The following ZNF521 variants were observed in gnomAD, a reference collection of about 807,000 sequenced individuals.
The protein encoded by ZNF521 is zinc finger protein 521, also known as LYST-interacting protein 3.
ZNF521 carries 14 observed loss-of-function variants against 105.5 expected under a neutral mutation model. That is an observed-to-expected ratio of 0.13 (90% CI 0.09 to 0.21). ZNF521 has a LOEUF of 0.21. Among genes scored for constraint, ZNF521 ranks in the 10% least tolerant of loss-of-function variants. The pLI is 1.00. For missense variants in ZNF521, 1,233 were observed against 1,629.7 expected, an observed-to-expected ratio of 0.76 and a Z score of 4.19; for synonymous variants, 635 against 606.0, an observed-to-expected ratio of 1.05 and a Z score of -0.70.
chr18:25,320,728 T>C (rs1012874265), intron 3 of ZNF521, among the ~76,000 whole-genome samples: 1 of 152,218 alleles, frequency 6.6e-6, no homozygotes, highest in Admixed American at 6.5e-5. Flanking sequence ...TCTGTATGTT[T>C]GGAATTGTAT....
intron 5 of ZNF521, among the ~76,000 whole-genome samples, chr18:25,163,343 G>A (rs2064226206): frequency 6.6e-6 from 1 of 152,136 alleles, no homozygotes; most frequent in Admixed American, 6.6e-5. Flanking sequence ...TAAGCTGATG[G>A]CAGTATTTTT....
intron 5 of ZNF521, among the ~76,000 whole-genome samples, chr18:25,142,608 A>C (rs192477898): frequency 1.3e-5 from 2 of 152,278 alleles, no homozygotes; most frequent in Non-Finnish European, 1.5e-5. Context: ...AAGTCTTAGA[A>C]TATCTAAGCA....
At chr18:25,324,635 C>T (rs775544866) in intron 2 of ZNF521, among the ~76,000 whole-genome samples, 2 of 152,120 alleles carry the variant, frequency 1.3e-5, no homozygotes, top group African/African-American at 2.4e-5. Flanking sequence ...AGGGAAATGT[C>T]GCTGTTAGGT....
intron 3 of ZNF521, among the ~76,000 whole-genome samples, chr18:25,238,422 A>G (rs1907076662): frequency 1.3e-5 from 2 of 152,172 alleles, no homozygotes; most frequent in Non-Finnish European, 1.5e-5. Flanking sequence ...CTGGCTATTG[A>G]CCAGAAAAAT....
intron 5 of ZNF521, among the ~76,000 whole-genome samples, chr18:25,163,630 T>A (rs1313881865): frequency 1.3e-5 from 2 of 152,212 alleles, no homozygotes. Flanking sequence ...TAACACCATG[T>A]ACACAGTGCC....
At chr18:25,153,396 C>T (rs920530664) in intron 5 of ZNF521, among the ~76,000 whole-genome samples, 4 of 152,146 alleles carry the variant, frequency 2.6e-5, no homozygotes, top group African/African-American at 9.7e-5. Context: ...TCTCTTATTA[C>T]CTTCTGGTAC....
chr18:25,342,698 G>C (rs1226279360), intron 2 of ZNF521, among the ~76,000 whole-genome samples: 1 of 152,136 alleles, frequency 6.6e-6, no homozygotes, highest in Non-Finnish European at 1.5e-5. Context: ...AAAGTGCTGG[G>C]ATTACAGGCG....
At chr18:25,283,648 C>A (rs1910515445) in intron 3 of ZNF521, among the ~76,000 whole-genome samples, 1 of 152,072 alleles carries the variant, frequency 6.6e-6, no homozygotes, top group Non-Finnish European at 1.5e-5. Context: ...TGAACATAAA[C>A]TTAAATGGAA....
chr18:25,240,483 T>C (rs1907234363), intron 3 of ZNF521, among the ~76,000 whole-genome samples: 1 of 152,186 alleles, frequency 6.6e-6, no homozygotes, highest in African/African-American at 2.4e-5. Context: ...CCTGAATGCT[T>C]GCCCACGACA....
chr18:25,184,181 C>CT (rs990294737), intron 5 of ZNF521, among the ~76,000 whole-genome samples: 7 of 151,650 alleles, frequency 4.6e-5, no homozygotes, highest in Non-Finnish European at 7.4e-5. Flanking sequence ...CTCATAATTG[C>CT]TTTTTTTTAA....
intron 3 of ZNF521, among the ~76,000 whole-genome samples, chr18:25,296,628 T>C (rs897099027): frequency 6.6e-6 from 1 of 152,164 alleles, no homozygotes. Context: ...GGTCACACAA[T>C]GGTGTACACA....
At chr18:25,120,142 T>C (rs1203832660) in intron 5 of ZNF521, among the ~76,000 whole-genome samples, 1 of 152,184 alleles carries the variant, frequency 6.6e-6, no homozygotes, top group African/African-American at 2.4e-5. Context: ...GGAAGAAAGG[T>C]AGACACAATT....
intron 5 of ZNF521, among the ~76,000 whole-genome samples, chr18:25,190,761 A>G (rs934769210): frequency 3.3e-5 from 5 of 152,168 alleles, no homozygotes; most frequent in African/African-American, 1.2e-4. Flanking sequence ...ATTTCACCAC[A>G]CTGTTAAGAA....
intron 4 of ZNF521, among the ~76,000 whole-genome samples, chr18:25,209,235 G>A (rs1221789730): frequency 6.6e-6 from 1 of 151,684 alleles, no homozygotes; most frequent in South Asian, 2.1e-4. Context: ...AGGTTCAAGC[G>A]ATTCTTCTGC....
intron 7 of ZNF521, among the ~76,000 whole-genome samples, chr18:25,071,949 A>T (rs2144127013): frequency 6.6e-6 from 1 of 152,298 alleles, no homozygotes; most frequent in African/African-American, 2.4e-5. Flanking sequence ...TAGAGGGAAG[A>T]GCAGCAGCAA....
At chr18:25,091,237 T>C (rs2033737728) in intron 6 of ZNF521, among the ~76,000 whole-genome samples, 2 of 152,276 alleles carry the variant, frequency 1.3e-5, no homozygotes, top group South Asian at 4.2e-4. Flanking sequence ...TCACAAAGGA[T>C]TTTCCAAAAT....
chr18:25,344,733 T>G (rs141012400), intron 2 of ZNF521, among the ~76,000 whole-genome samples: 1 of 152,378 alleles, frequency 6.6e-6, no homozygotes, highest in African/African-American at 2.4e-5. Flanking sequence ...ATTTACATTT[T>G]TAATGATGCA....
chr18:25,076,389 A>G (rs2033362659), intron 7 of ZNF521, among the ~76,000 whole-genome samples: 1 of 152,188 alleles, frequency 6.6e-6, no homozygotes, highest in East Asian at 1.9e-4. Flanking sequence ...AGTTCCACGC[A>G]ATGGATGTGA....
rs572605055 is a variant in ZNF521 at position 25,259,198 on chromosome 18, G to A, written c.221-31501C>T. 1.1e-4 allele frequency among the ~76,000 whole-genome samples: 17 copies of A among 152,262 alleles called. 1 individual carries two copies. The highest frequency in any genetic ancestry group is 4.1e-4 in the South Asian group (2 of 4,820). On this transcript the variant is annotated intron_variant, in intron 3 of 7. Transcript: ENST00000361524. Reference sequence around the variant, plus strand: ...TTTTGTTTTAATCTTTTTACCCAGCGTAGGTACCAGGAGGGATCTCTGAAA... The same window carrying A: ...TTTTGTTTTAATCTTTTTACCCAGCATAGGTACCAGGAGGGATCTCTGAAA...
Sources: allele counts gnomAD v4.1 joint callset (sites outside exome capture counted in the v4.1 genomes callset), GRCh38; gene constraint gnomAD v4.1.1; transcripts MANE v1.5; gene names NCBI Gene and HGNC (gene_info 2026-07-23, HGNC 2026-07-21).